TMOD1: variants seen among roughly 807,000 people sequenced by gnomAD.
TMOD1 encodes tropomodulin-1.
A neutral mutation model predicts 40.6 loss-of-function variants in TMOD1; 17 were observed. The ratio of observed to expected loss-of-function variants is 0.42; its 90% CI spans 0.29 to 0.63. The LOEUF is 0.63. TMOD1 is among the 20% of genes least tolerant of loss of function. The pLI, the probability that TMOD1 is intolerant of heterozygous loss-of-function variation, is 0.22. For synonymous variants in TMOD1, 181 were observed against 175.0 expected, an observed-to-expected ratio of 1.03 and a Z score of -0.27; for missense variants, 391 against 447.6, an observed-to-expected ratio of 0.87 and a Z score of 1.14.
chr9:97,531,256 C>T (rs1830098973), intron 2 of TMOD1, among the ~76,000 whole-genome samples: 1 of 152,130 alleles, frequency 6.6e-6, no homozygotes, highest in South Asian at 2.1e-4. Flanking sequence ...CAGAATCACA[C>T]AGCTATTAAG....
At chr9:97,584,206 T>A (rs1241278653) in intron 8 of TMOD1, among the ~76,000 whole-genome samples, 1 of 152,228 alleles carries the variant, frequency 6.6e-6, no homozygotes, top group East Asian at 1.9e-4. Flanking sequence ...CTTGTGTCTT[T>A]GTTCTCGTTG....
At chr9:97,596,238 C>T (rs1041973688) in intron 9 of TMOD1, among the ~76,000 whole-genome samples, 1 of 151,964 alleles carries the variant, frequency 6.6e-6, no homozygotes, top group Non-Finnish European at 1.5e-5. Flanking sequence ...ACAGTTATCT[C>T]CTCCAACATC....
At chr9:97,591,744 G>A (rs948157039) in intron 9 of TMOD1, among the ~76,000 whole-genome samples, 3 of 152,066 alleles carry the variant, frequency 2.0e-5, no homozygotes, top group South Asian at 2.1e-4. Flanking sequence ...AAGTCTCGCC[G>A]GGAGTATTTT....
chr9:97,547,927 T>G (rs1587934946), intron 3 of TMOD1, among the ~76,000 whole-genome samples: 1 of 152,316 alleles, frequency 6.6e-6, no homozygotes, highest in East Asian at 1.9e-4. Context: ...AGAGAGTTGT[T>G]GGATGAATGG....
intron 3 of TMOD1, among the ~76,000 whole-genome samples, chr9:97,550,521 T>C (rs1293066646): frequency 1.3e-5 from 2 of 152,206 alleles, no homozygotes; most frequent in Admixed American, 6.5e-5. Flanking sequence ...TTTTCCACAT[T>C]GTTGCCAACA....
At chr9:97,553,487 G>A (rs1830484123) in intron 4 of TMOD1, 87 bp downstream of exon 4, 2 of 1,544,476 alleles carry the variant, frequency 1.3e-6, no homozygotes, top group Middle Eastern at 1.7e-4. Context: ...ATTTCAGCAT[G>A]AACACCTTCT....
rs534871865 is a variant in TMOD1 at position 97,601,664 on chromosome 9, G to C, written c.*1966G>C. On this transcript the variant is annotated 3_prime_UTR_variant, in exon 10 of 10. Transcript: ENST00000259365. The stretch of plus-strand genomic sequence containing the variant: ...TTTTGCAGGCCACATAGTGTCTGTT[G>C]CAACTATTCAACTCTGCCATAGATC... 3.6e-5 allele frequency: 28 copies of C among 777,484 alleles called. No individual in the cohort carries two copies. The African/African-American group carries it at 3.9e-4, about 11-fold the overall frequency. The allele number at this position is 777,484 out of a possible 1,614,324, so 48.2% of individuals were successfully genotyped here. A position where few individuals can be genotyped will look rare whatever the true frequency, so the allele number is the denominator to read the frequency against.
chr9:97,530,054 G>T (rs1830075301), intron 2 of TMOD1, among the ~76,000 whole-genome samples: 1 of 152,224 alleles, frequency 6.6e-6, no homozygotes, highest in Non-Finnish European at 1.5e-5. Context: ...AGTAACCTGT[G>T]CTGTTAACCC....
chr9:97,563,671 T>G (rs994292415), intron 5 of TMOD1, among the ~76,000 whole-genome samples: 1 of 152,178 alleles, frequency 6.6e-6, no homozygotes, highest in Admixed American at 6.5e-5. Context: ...TATTCCTCCC[T>G]CTGGAAGATT....
At position 97,502,263 on chromosome 9, in the gene TMOD1, G is replaced by T. The variant is rs908272636; in HGVS notation, c.-49+460G>T. Among the ~76,000 whole-genome samples, 6 of 152,166 alleles carry T rather than the reference G, an allele frequency of 3.9e-5. No individual in the cohort carries two copies. The highest frequency in any genetic ancestry group is 7.4e-5 in the Non-Finnish European group (5 of 68,016). Reference sequence around the variant, plus strand: ...CGGGGGCGCGGCCTCTTCTCCGCCTGCAAGAGTCTGGGGGTGGGAGTGGGG... The same window carrying T: ...CGGGGGCGCGGCCTCTTCTCCGCCTTCAAGAGTCTGGGGGTGGGAGTGGGG... On this transcript the variant is annotated intron_variant, in intron 1 of 9. Transcript: ENST00000259365. The surrounding 1 kb of genome is among the most constrained non-coding windows in gnomAD (Gnocchi z 6.1).
At chr9:97,574,986 G>A (rs968930611) in intron 8 of TMOD1, among the ~76,000 whole-genome samples, 3 of 152,202 alleles carry the variant, frequency 2.0e-5, no homozygotes, top group African/African-American at 4.8e-5. Context: ...CCAATCAGCA[G>A]GATATGGGTG....
chr9:97,585,282 A>G (rs1825845652), intron 8 of TMOD1, among the ~76,000 whole-genome samples: 1 of 150,390 alleles, frequency 6.6e-6, no homozygotes, highest in Non-Finnish European at 1.5e-5. Flanking sequence ...TTGGCTGGAT[A>G]TGAAATTCTG....
At position 97,569,047 on chromosome 9, in the gene TMOD1, G is replaced by C. The variant is rs746056236; in HGVS notation, c.870+10G>C. On this transcript the variant is annotated intron_variant, in intron 8 of 9. Coordinates refer to ENST00000259365, the MANE Select transcript of TMOD1 (RefSeq NM_003275.4). ...GAAAATTGACAACCAGGTGAGATGG[G>C]CAACGGTCTCCTCAGGTCTGTTACT... The C allele has an allele frequency of 6.2e-7, 1 of 1,613,940 alleles. No individual in the cohort carries two copies. The highest frequency in any genetic ancestry group is 1.1e-5 in the South Asian group (1 of 91,054).
At chr9:97,531,419 T>C (rs1302197066) in intron 2 of TMOD1, among the ~76,000 whole-genome samples, 1 of 152,066 alleles carries the variant, frequency 6.6e-6, no homozygotes, top group African/African-American at 2.4e-5. Flanking sequence ...AAAACCAGCC[T>C]GGCCAACATA....
chr9:97,547,889 C>T (rs571645577), intron 3 of TMOD1, among the ~76,000 whole-genome samples: 11 of 152,270 alleles, frequency 7.2e-5, no homozygotes, highest in East Asian at 5.8e-4. Flanking sequence ...GCAGCCAGTG[C>T]GAGGCCTGCC....
intron 4 of TMOD1, among the ~76,000 whole-genome samples, chr9:97,559,377 T>C (rs1830582445): frequency 6.6e-6 from 1 of 151,884 alleles, no homozygotes; most frequent in Non-Finnish European, 1.5e-5. Flanking sequence ...CAGAGAAGAA[T>C]CTTAGAATGT....
intron 3 of TMOD1, among the ~76,000 whole-genome samples, chr9:97,547,141 G>A (rs904278728): frequency 6.6e-6 from 1 of 151,964 alleles, no homozygotes; most frequent in Non-Finnish European, 1.5e-5. Flanking sequence ...CATCTTGAAG[G>A]CCCCAGGAAA....
At chr9:97,559,678 T>A (rs1165891254) in intron 4 of TMOD1, among the ~76,000 whole-genome samples, 1 of 148,750 alleles carries the variant, frequency 6.7e-6, no homozygotes, top group East Asian at 2.0e-4. Context: ...GGCAGGAGAA[T>A]CGCTTGAGTC....
At chr9:97,536,257 C>T (rs1830182356) in intron 2 of TMOD1, among the ~76,000 whole-genome samples, 1 of 152,172 alleles carries the variant, frequency 6.6e-6, no homozygotes, top group Non-Finnish European at 1.5e-5. Context: ...CAGTTAAAAA[C>T]TTTTGTTTTC....
Sources: gnomAD v4.1 joint callset for allele counts (sites outside exome capture counted in the v4.1 genomes callset) on GRCh38, gnomAD v4.1.1 for gene constraint, Gnocchi (gnomAD v3.1) non-coding constraint, MANE v1.5 for transcripts, NCBI Gene and HGNC (gene_info 2026-07-23, HGNC 2026-07-21) for gene names.